CTNND2: variants seen among roughly 807,000 people sequenced by gnomAD.
CTNND2 encodes catenin delta-2.
Under a neutral mutation model 144.4 loss-of-function variants are expected in CTNND2, and 22 were observed. The observed-to-expected ratio is 0.15, with a 90% confidence interval of 0.11 to 0.22. The LOEUF (loss-of-function observed/expected upper bound fraction) is 0.22, where lower values mean the gene tolerates loss of function less well. Ranked by LOEUF, CTNND2 falls within the 10% of genes least tolerant of loss-of-function variation. The probability of loss-of-function intolerance (pLI) is 1.00; values close to 1 mark genes in which losing one functional copy is unlikely to be tolerated. For synonymous variants in CTNND2, 751 were observed against 695.6 expected, an observed-to-expected ratio of 1.08 and a Z score of -1.25; for missense variants, 1,353 against 1,618.8, an observed-to-expected ratio of 0.84 and a Z score of 2.82.
intron 5 of CTNND2, among the ~76,000 whole-genome samples, chr5:11,409,270 T>A (rs557069917): frequency 6.6e-6 from 1 of 152,052 alleles, no homozygotes; most frequent in Non-Finnish European, 1.5e-5. Context: ...GGTAGATTTT[T>A]ATCCAAGAAT....
At position 11,461,459 on chromosome 5, in the gene CTNND2, A is replaced by C. The variant is rs190013706; in HGVS notation, c.288-49390T>G. Among the ~76,000 whole-genome samples the C allele has an allele frequency of 2.0e-4, 31 of 152,168 alleles. No individual in the cohort carries two copies. In the East Asian group the frequency reaches 5.8e-3, roughly 28 times the overall value. On this transcript the variant is annotated intron_variant, in intron 3 of 21. Coordinates refer to ENST00000304623, the MANE Select transcript of CTNND2 (RefSeq NM_001332.4). ...AAGACACCTGGGAAATTGCTTGTGA[A>C]CTTCTTGATATTAGAAATAGGCATG...
intron 7 of CTNND2, among the ~76,000 whole-genome samples, chr5:11,371,338 C>T (rs73742815): frequency 6.6e-6 from 1 of 152,164 alleles, no homozygotes; most frequent in Admixed American, 6.5e-5. Flanking sequence ...ACTAACATAA[C>T]TTTGGTTAAC....
chr5:11,499,722 C>G (rs1399938797), intron 3 of CTNND2, among the ~76,000 whole-genome samples: 5 of 152,128 alleles, frequency 3.3e-5, no homozygotes, highest in Non-Finnish European at 5.9e-5. Flanking sequence ...TCTCTTGTCT[C>G]AAAGTTTTTT....
chr5:11,174,836 T>C (rs960238737), intron 11 of CTNND2, among the ~76,000 whole-genome samples: 3 of 152,170 alleles, frequency 2.0e-5, no homozygotes, highest in Non-Finnish European at 4.4e-5. Flanking sequence ...TAAAGTGTAA[T>C]AGGATTTTCA....
chr5:11,665,715 A>G (rs2434670), intron 2 of CTNND2, among the ~76,000 whole-genome samples: 38,782 of 152,110 alleles, frequency 0.25, 8,742 homozygotes, highest in African/African-American at 0.61. Context: ...GTGAAACTGA[A>G]AACAAAGTGA....
chr5:11,730,853 CT>C (rs552285257), intron 2 of CTNND2, among the ~76,000 whole-genome samples: 1 of 152,288 alleles, frequency 6.6e-6, no homozygotes, highest in East Asian at 1.9e-4. Context: ...AATTTTCTTA[CT>C]ACTCAGAAGT....
intron 5 of CTNND2, among the ~76,000 whole-genome samples, chr5:11,404,279 T>C (rs1004246868): frequency 6.6e-6 from 1 of 152,174 alleles, no homozygotes; most frequent in Non-Finnish European, 1.5e-5. Context: ...AATTCCCAAG[T>C]ATATTTTGAG....
At chr5:11,836,615 C>T (rs1290440134) in intron 1 of CTNND2, among the ~76,000 whole-genome samples, 1 of 151,352 alleles carries the variant, frequency 6.6e-6, no homozygotes, top group Non-Finnish European at 1.5e-5. Flanking sequence ...TAAAGAAATT[C>T]TCTACTTTGA....
intron 20 of CTNND2, among the ~76,000 whole-genome samples, chr5:10,983,241 A>G (rs1737520417): frequency 1.3e-5 from 2 of 152,232 alleles, no homozygotes; most frequent in Non-Finnish European, 2.9e-5. Flanking sequence ...GTATACTTGT[A>G]TCAAAAAATC....
intron 1 of CTNND2, among the ~76,000 whole-genome samples, chr5:11,895,640 T>C (rs75207078): frequency 3.5e-5 from 5 of 144,504 alleles, no homozygotes; most frequent in Non-Finnish European, 7.6e-5. Flanking sequence ...GTGAGTAAGT[T>C]TAACTTCAAG....
intron 16 of CTNND2, among the ~76,000 whole-genome samples, chr5:11,028,192 A>G (rs1743063305): frequency 6.6e-6 from 1 of 152,154 alleles, no homozygotes; most frequent in African/African-American, 2.4e-5. Context: ...AACTGATTAG[A>G]GAAAATATAT....
At chr5:11,228,012 G>T (rs1388686285) in intron 10 of CTNND2, among the ~76,000 whole-genome samples, 3 of 152,074 alleles carry the variant, frequency 2.0e-5, no homozygotes, top group Non-Finnish European at 4.4e-5. Flanking sequence ...GCCAGCTGTG[G>T]CTTCATCTCT....
At chr5:11,170,190 C>T (rs1580478356) in intron 11 of CTNND2, among the ~76,000 whole-genome samples, 1 of 152,110 alleles carries the variant, frequency 6.6e-6, no homozygotes, top group African/African-American at 2.4e-5. Context: ...ATCAGACAAA[C>T]GTCAGACACA....
At chr5:11,400,927 C>A (rs1440443825) in intron 5 of CTNND2, among the ~76,000 whole-genome samples, 1 of 152,170 alleles carries the variant, frequency 6.6e-6, no homozygotes, top group Non-Finnish European at 1.5e-5. Context: ...AACACTGTTT[C>A]TTTAAGTCAT....
At chr5:11,124,616 C>A (rs900196072) in intron 12 of CTNND2, among the ~76,000 whole-genome samples, 1 of 152,156 alleles carries the variant, frequency 6.6e-6, no homozygotes, top group African/African-American at 2.4e-5. Context: ...CTCTCCTCCT[C>A]TTTCTCCTTC....
At chr5:11,821,674 C>T (rs945290425) in intron 1 of CTNND2, among the ~76,000 whole-genome samples, 3 of 152,202 alleles carry the variant, frequency 2.0e-5, no homozygotes, top group African/African-American at 7.2e-5. Context: ...GCCATGTTCC[C>T]CACTGTAAAT....
chr5:11,432,388 G>A (rs999426053), intron 3 of CTNND2, among the ~76,000 whole-genome samples: 2 of 152,066 alleles, frequency 1.3e-5, no homozygotes, highest in Non-Finnish European at 2.9e-5. Context: ...AAAATTAGAT[G>A]GCAGAATGGA....
intron 18 of CTNND2, among the ~76,000 whole-genome samples, chr5:11,006,014 A>G (rs1740438496): frequency 6.6e-6 from 1 of 152,216 alleles, no homozygotes; most frequent in African/African-American, 2.4e-5. Context: ...GATCTTGCCT[A>G]TATGCTGTGA....
At chr5:11,596,311 C>T (rs1779501110) in intron 2 of CTNND2, among the ~76,000 whole-genome samples, 1 of 152,068 alleles carries the variant, frequency 6.6e-6, no homozygotes, top group Admixed American at 6.6e-5. Context: ...ACTTGATATC[C>T]TTTAACATTT....
Sources: allele counts gnomAD v4.1 joint callset (sites outside exome capture counted in the v4.1 genomes callset), GRCh38; gene constraint gnomAD v4.1.1; transcripts MANE v1.5; gene names NCBI Gene and HGNC (gene_info 2026-07-23, HGNC 2026-07-21).